FAT3: variants seen among roughly 807,000 people sequenced by gnomAD.
FAT3 encodes the protein FAT atypical cadherin 3.
A neutral mutation model predicts 310.2 loss-of-function variants in FAT3; 95 were observed. The observed-to-expected ratio is 0.31, with a 90% CI of 0.26 to 0.36. FAT3 has a LOEUF of 0.36. Among genes scored for constraint, FAT3 ranks in the 10% least tolerant of loss-of-function variants. FAT3 has a pLI of 1.00. For synonymous variants in FAT3, 2,314 were observed against 2,192.9 expected, an observed-to-expected ratio of 1.06 and a Z score of -1.54; for missense variants, 5,408 against 5,715.6, an observed-to-expected ratio of 0.95 and a Z score of 1.74.
At chr11:92,733,098 C>G (rs1945236378) in intron 4 of FAT3, among the ~76,000 whole-genome samples, 1 of 152,108 alleles carries the variant, frequency 6.6e-6, no homozygotes, top group Non-Finnish European at 1.5e-5. Context: ...GTAGGGGAGA[C>G]AGGGGCAGTG....
intron 3 of FAT3, among the ~76,000 whole-genome samples, chr11:92,591,948 A>G (rs1939445341): frequency 6.6e-6 from 1 of 152,228 alleles, no homozygotes; most frequent in African/African-American, 2.4e-5. Context: ...CACATAGTGG[A>G]TACATGACTT....
At chr11:92,372,853 G>C (rs1348913036) in intron 2 of FAT3, among the ~76,000 whole-genome samples, 2 of 152,108 alleles carry the variant, frequency 1.3e-5, no homozygotes, top group East Asian at 3.9e-4. Flanking sequence ...GTAGAGATGG[G>C]ATTTCATCGT....
chr11:92,659,206 G>A (rs1167783440), intron 3 of FAT3, among the ~76,000 whole-genome samples: 1 of 152,132 alleles, frequency 6.6e-6, no homozygotes, highest in African/African-American at 2.4e-5. Flanking sequence ...ATTCACAGAG[G>A]CTAACCAGCT....
chr11:92,698,958 C>T (rs1404694808), intron 4 of FAT3, among the ~76,000 whole-genome samples: 3 of 152,306 alleles, frequency 2.0e-5, no homozygotes, highest in Middle Eastern at 6.8e-3. Context: ...GCAAGGTCGT[C>T]TCTGTCATCA....
At chr11:92,419,674 A>G (rs530672305) in intron 2 of FAT3, among the ~76,000 whole-genome samples, 50 of 152,032 alleles carry the variant, frequency 3.3e-4, no homozygotes, top group Non-Finnish European at 6.3e-4. Context: ...CATACTTTAT[A>G]TTGTTTACTG....
chr11:92,821,430 G>A (rs1947965717), intron 13 of FAT3, among the ~76,000 whole-genome samples: 2 of 152,058 alleles, frequency 1.3e-5, no homozygotes, highest in Admixed American at 6.5e-5. Flanking sequence ...AACCTGCATA[G>A]GTCACTGATT....
intron 1 of FAT3, among the ~76,000 whole-genome samples, chr11:92,339,841 C>T (rs1395778105): frequency 2.0e-5 from 3 of 152,048 alleles, no homozygotes; most frequent in South Asian, 2.1e-4. Context: ...GGGCCAGGCG[C>T]GGTGGCTCAA....
chr11:92,811,224 A>G (rs1284189325), intron 13 of FAT3, among the ~76,000 whole-genome samples: 1 of 152,228 alleles, frequency 6.6e-6, no homozygotes, highest in East Asian at 1.9e-4. Flanking sequence ...TCTTTTTTAA[A>G]GGAGGATTAG....
At chr11:92,260,390 A>G (rs1253336215) in intron 1 of FAT3, among the ~76,000 whole-genome samples, 1 of 152,126 alleles carries the variant, frequency 6.6e-6, no homozygotes, top group Non-Finnish European at 1.5e-5. Context: ...AAGAGAAGAA[A>G]TCTTTATCAG....
At chr11:92,634,885 T>C (rs1471676466) in intron 3 of FAT3, among the ~76,000 whole-genome samples, 3 of 152,184 alleles carry the variant, frequency 2.0e-5, no homozygotes, top group African/African-American at 7.2e-5. Context: ...CCTGATCCAG[T>C]AGGATTAGTG....
intron 4 of FAT3, among the ~76,000 whole-genome samples, chr11:92,735,191 CTTGA>C (rs1335326467): frequency 6.6e-6 from 1 of 152,116 alleles, no homozygotes; most frequent in African/African-American, 2.4e-5. Context: ...CAATGCTCTT[CTTGA>C]TTGTTTGCTT....
intron 1 of FAT3, among the ~76,000 whole-genome samples, chr11:92,326,649 G>A (rs1947775603): frequency 6.6e-6 from 1 of 152,172 alleles, no homozygotes; most frequent in Non-Finnish European, 1.5e-5. Flanking sequence ...CCACCAAAGG[G>A]CATCCAAATA....
intron 1 of FAT3, among the ~76,000 whole-genome samples, chr11:92,316,113 G>GA (rs1245635910): frequency 6.6e-6 from 1 of 151,870 alleles, no homozygotes; most frequent in African/African-American, 2.4e-5. Flanking sequence ...AAAATGAATA[G>GA]AAAATACTAG....
At chr11:92,796,260 T>A (rs150148831) in intron 9 of FAT3, among the ~76,000 whole-genome samples, 1 of 152,258 alleles carries the variant, frequency 6.6e-6, no homozygotes, top group Admixed American at 6.5e-5. Context: ...CTTTTTATTA[T>A]TGTCATCACA....
intron 1 of FAT3, among the ~76,000 whole-genome samples, chr11:92,298,143 C>A (rs1360498096): frequency 6.6e-6 from 1 of 152,086 alleles, no homozygotes; most frequent in Non-Finnish European, 1.5e-5. Flanking sequence ...CAGTACTTAT[C>A]TTGAAGCACA....
At chr11:92,493,400 T>C (rs2135244500) in intron 2 of FAT3, among the ~76,000 whole-genome samples, 1 of 152,206 alleles carries the variant, frequency 6.6e-6, no homozygotes, top group Non-Finnish European at 1.5e-5. Context: ...AGAGTTCCCC[T>C]GGCCTGGACT....
At chr11:92,282,337 G>A (rs1481551107) in intron 1 of FAT3, among the ~76,000 whole-genome samples, 1 of 152,038 alleles carries the variant, frequency 6.6e-6, no homozygotes. Flanking sequence ...GAGACTTTAA[G>A]GATTTAATAA....
chr11:92,636,121 G>A (rs185290864), intron 3 of FAT3, among the ~76,000 whole-genome samples: 9 of 152,116 alleles, frequency 5.9e-5, no homozygotes, highest in East Asian at 5.8e-4. Context: ...GTGCAACCAC[G>A]CCTGGCTATT....
At chr11:92,710,650 A>G (rs1944493148) in intron 4 of FAT3, among the ~76,000 whole-genome samples, 1 of 152,210 alleles carries the variant, frequency 6.6e-6, no homozygotes, top group Non-Finnish European at 1.5e-5. Context: ...TATCAGCAGT[A>G]GCCAGGGCAT....
Sources: gnomAD v4.1 joint callset for allele counts (sites outside exome capture counted in the v4.1 genomes callset) on GRCh38, gnomAD v4.1.1 for gene constraint, MANE v1.5 for transcripts, NCBI Gene and HGNC (gene_info 2026-07-23, HGNC 2026-07-21) for gene names.